The following TMEM132B variants were observed in gnomAD, a reference collection of about 807,000 sequenced individuals.
The protein encoded by TMEM132B is transmembrane protein 132B.
A neutral mutation model predicts 90.8 loss-of-function variants in TMEM132B; 18 were observed. The observed-to-expected ratio is 0.20, with a 90% CI of 0.14 to 0.29. The LOEUF (loss-of-function observed/expected upper bound fraction) is 0.29. TMEM132B is among the 10% of genes least tolerant of loss of function. TMEM132B has a pLI of 1.00. For missense variants in TMEM132B, 1,096 were observed against 1,326.8 expected, an observed-to-expected ratio of 0.83 and a Z score of 2.70; for synonymous variants, 504 against 523.3, an observed-to-expected ratio of 0.96 and a Z score of 0.50.
intron 1 of TMEM132B, among the ~76,000 whole-genome samples, chr12:125,286,396 C>T (rs1372353400): frequency 6.6e-6 from 1 of 152,188 alleles, no homozygotes; most frequent in Non-Finnish European, 1.5e-5. Context: ...AGTGCCGTGC[C>T]TCAGTTTCTA....
rs1435311736 is a variant in TMEM132B, at chr12:125,186,748, C to T, written c.-52C>T. Reference sequence around the variant, plus strand: ...CTGCTCCGGGAGCCGCGGGCCGGGCCGGGCGCGCGAGAGGAGCAGCCCCGC... The same window carrying T: ...CTGCTCCGGGAGCCGCGGGCCGGGCTGGGCGCGCGAGAGGAGCAGCCCCGC... On this transcript the variant is annotated 5_prime_UTR_variant, in exon 1 of 9. Transcript: ENST00000682704. The surrounding 1 kb of genome is among the most constrained non-coding windows in gnomAD (Gnocchi z 6.3). The T allele has an allele frequency of 6.8e-6, 1 of 146,302 alleles. No individual in the cohort carries two copies. Among genetic ancestry groups the T allele is most frequent in the East Asian group, 2.0e-4 (1 of 4,950 alleles). 9.1% of individuals were successfully genotyped at this position (146,302 alleles called of 1,614,324 possible). A position where few individuals can be genotyped will look rare whatever the true frequency, so the allele number is the denominator to read the frequency against.
intron 3 of TMEM132B, among the ~76,000 whole-genome samples, chr12:125,487,631 T>C (rs937278497): frequency 6.6e-6 from 1 of 152,212 alleles, no homozygotes; most frequent in Non-Finnish European, 1.5e-5. Context: ...ATGTGGCTTA[T>C]ATCACCTCCA....
intron 1 of TMEM132B, among the ~76,000 whole-genome samples, chr12:125,269,859 A>G (rs1487408039): frequency 2.0e-5 from 3 of 152,062 alleles, no homozygotes; most frequent in Admixed American, 6.6e-5. Context: ...CCAGCTCACC[A>G]TCATTCCTAA....
In TMEM132B at chr12:125,632,269, A is replaced by G. The variant is rs533866480; in HGVS notation, c.1438-11807A>G. Among the ~76,000 whole-genome samples, 6 of 152,138 alleles carry G rather than the reference A, an allele frequency of 3.9e-5. No homozygotes were observed. In the South Asian group the frequency reaches 1.2e-3, roughly 32 times the overall value. Reference sequence around the variant, plus strand: ...AAACAAATAAGCAAAAAGAAAACTAATAAAAACTCTACACATTAACATCAT... The same window carrying G: ...AAACAAATAAGCAAAAAGAAAACTAGTAAAAACTCTACACATTAACATCAT... On this transcript the variant is annotated intron_variant, in intron 5 of 8. Transcript: ENST00000682704.
chr12:125,572,948 C>G (rs972722353), intron 4 of TMEM132B, among the ~76,000 whole-genome samples: 7 of 152,154 alleles, frequency 4.6e-5, no homozygotes, highest in Non-Finnish European at 1.5e-5. Flanking sequence ...AAAATTGTCC[C>G]AAACTGGAAG....
At chr12:125,328,405 G>T (rs1009891459) in intron 1 of TMEM132B, among the ~76,000 whole-genome samples, 1 of 152,146 alleles carries the variant, frequency 6.6e-6, no homozygotes, top group Non-Finnish European at 1.5e-5. Context: ...GTGTCCTTCG[G>T]CTACTGTGTT....
chr12:125,303,694 G>A (rs1875888247), intron 1 of TMEM132B, among the ~76,000 whole-genome samples: 1 of 152,166 alleles, frequency 6.6e-6, no homozygotes, highest in South Asian at 2.1e-4. Context: ...GTGTGAAGTG[G>A]TATCTCATTG....
chr12:125,271,510 G>A (rs1265556343), intron 1 of TMEM132B, among the ~76,000 whole-genome samples: 1 of 152,162 alleles, frequency 6.6e-6, no homozygotes, highest in Non-Finnish European at 1.5e-5. Flanking sequence ...TGAGGGTTGA[G>A]TAAAAAAATT....
chr12:125,265,435 G>GGT (rs1394274225), intron 1 of TMEM132B, among the ~76,000 whole-genome samples: 4 of 151,844 alleles, frequency 2.6e-5, no homozygotes, highest in African/African-American at 9.7e-5. Context: ...ACGTGAATGT[G>GGT]GTCTCTCTCT....
intron 5 of TMEM132B, among the ~76,000 whole-genome samples, chr12:125,605,950 C>A (rs1885685793): frequency 6.6e-6 from 1 of 152,040 alleles, no homozygotes; most frequent in Non-Finnish European, 1.5e-5. Flanking sequence ...AAGCTGGCAT[C>A]AGAAACAAGA....
intron 2 of TMEM132B, among the ~76,000 whole-genome samples, chr12:125,389,488 C>T (rs918794341): frequency 4.6e-5 from 7 of 152,084 alleles, no homozygotes; most frequent in African/African-American, 1.4e-4. Context: ...ACTTCCTGGG[C>T]TTGAATGCTG....
chr12:125,209,897 G>A lies in TMEM132B; in HGVS notation c.67+23031G>A, dbSNP rs1298399538. 3.3e-5 allele frequency among the ~76,000 whole-genome samples: 5 copies of A among 152,104 alleles called. No homozygotes were observed. The highest frequency in any genetic ancestry group is 7.2e-5 in the African/African-American group (3 of 41,414). ...GTTAGATGGCCAGAGTGTCTTCCTCGCCTTGTCCTGTGAGTCTCGTAGGTG... is the reference window on the plus strand; with the variant it reads ...GTTAGATGGCCAGAGTGTCTTCCTCACCTTGTCCTGTGAGTCTCGTAGGTG... On this transcript the variant is annotated intron_variant, in intron 1 of 8. Transcript: ENST00000682704. The surrounding 1 kb of genome is among the most constrained non-coding windows in gnomAD (Gnocchi z 4.4).
At chr12:125,374,951 T>C (rs1329940137) in intron 2 of TMEM132B, among the ~76,000 whole-genome samples, 1 of 152,164 alleles carries the variant, frequency 6.6e-6, no homozygotes, top group Non-Finnish European at 1.5e-5. Flanking sequence ...TAAGATCAGA[T>C]ACAACATTTC....
chr12:125,368,100 A>G (rs1412768689), intron 2 of TMEM132B, among the ~76,000 whole-genome samples: 1 of 152,178 alleles, frequency 6.6e-6, no homozygotes, highest in Non-Finnish European at 1.5e-5. Context: ...AGGTAAGTAT[A>G]GTTACTTTAC....
At chr12:125,483,007 A>G (rs1453376389) in intron 3 of TMEM132B, among the ~76,000 whole-genome samples, 3 of 150,648 alleles carry the variant, frequency 2.0e-5, no homozygotes, top group Non-Finnish European at 4.4e-5. Context: ...AGAAAACCAA[A>G]CACCGCATGT....
chr12:125,253,603 C>T (rs1364260565), intron 1 of TMEM132B, among the ~76,000 whole-genome samples: 2 of 151,952 alleles, frequency 1.3e-5, no homozygotes, highest in East Asian at 3.9e-4. Context: ...CCCAGCTAAT[C>T]TTTGTTTTTG....
intron 2 of TMEM132B, among the ~76,000 whole-genome samples, chr12:125,353,151 A>G (rs1005845345): frequency 6.6e-6 from 1 of 152,030 alleles, no homozygotes; most frequent in Non-Finnish European, 1.5e-5. Context: ...ACCATGGCAG[A>G]CATTACCAAT....
At chr12:125,385,130 T>A (rs756888757) in intron 2 of TMEM132B, among the ~76,000 whole-genome samples, 1 of 152,274 alleles carries the variant, frequency 6.6e-6, no homozygotes, top group Non-Finnish European at 1.5e-5. Context: ...AAAAATTTAA[T>A]GCTGGGCATT....
At chr12:125,541,837 G>A (rs1883964310) in intron 4 of TMEM132B, among the ~76,000 whole-genome samples, 1 of 151,520 alleles carries the variant, frequency 6.6e-6, no homozygotes, top group African/African-American at 2.4e-5. Flanking sequence ...GGCTAACACG[G>A]TGAAACCCCG....
Sources: gnomAD v4.1 joint callset for allele counts (sites outside exome capture counted in the v4.1 genomes callset) on GRCh38, gnomAD v4.1.1 for gene constraint, Gnocchi (gnomAD v3.1) non-coding constraint, MANE v1.5 for transcripts, NCBI Gene and HGNC (gene_info 2026-07-23, HGNC 2026-07-21) for gene names.